Variants in ETFDH observed in about 807,000 individuals in gnomAD.
ETFDH encodes the protein electron transfer flavoprotein-ubiquinone oxidoreductase, mitochondrial.
In ETFDH, 61 loss-of-function variants were observed where a neutral mutation model predicts 73.2. The observed-to-expected ratio is 0.83, with a 90% CI of 0.68 to 1.03. ETFDH has a LOEUF of 1.03. Ranked by LOEUF, ETFDH falls within the 50% of genes least tolerant of loss-of-function variation. ETFDH has a pLI of 0.00. For missense variants in ETFDH, 685 were observed against 745.0 expected (o/e 0.92, Z 0.94); for synonymous variants, 243 against 253.3 (o/e 0.96, Z 0.39).
chr4:158,695,002 G>A (rs942170305), intron 6 of ETFDH, among the ~76,000 whole-genome samples: 7 of 152,012 alleles, frequency 4.6e-5, no homozygotes, highest in Admixed American at 2.6e-4. Context: ...CCATATATTC[G>A]GGTTTCACAT....
intron 6 of ETFDH, among the ~76,000 whole-genome samples, chr4:158,694,548 T>G (rs771725456): frequency 6.6e-6 from 1 of 151,192 alleles, no homozygotes. Context: ...GAGCCGAGAT[T>G]GTGCCATTGC....
chr4:158,705,426 CTCT>C (rs1250191317), intron 10 of ETFDH, among the ~76,000 whole-genome samples: 1 of 152,170 alleles, frequency 6.6e-6, no homozygotes, highest in Non-Finnish European at 1.5e-5. Flanking sequence ...TGTAGTAGAC[CTCT>C]TCTTAACTAA....
At chr4:158,683,809 G>C (rs181130580) in intron 3 of ETFDH, among the ~76,000 whole-genome samples, 2 of 152,142 alleles carry the variant, frequency 1.3e-5, no homozygotes, top group East Asian at 3.9e-4. Context: ...ACTAGCTTCG[G>C]CCTCCCAAAT....
chr4:158,699,568 T>A (rs1774405267), intron 9 of ETFDH, among the ~76,000 whole-genome samples: 1 of 152,176 alleles, frequency 6.6e-6, no homozygotes, highest in African/African-American at 2.4e-5. Context: ...AGACTCCATC[T>A]CAAAAACAAA....
At chr4:158,696,252 C>T (rs1331280513) in intron 7 of ETFDH, among the ~76,000 whole-genome samples, 3 of 152,108 alleles carry the variant, frequency 2.0e-5, no homozygotes, top group African/African-American at 7.2e-5. Flanking sequence ...ACACCCATAA[C>T]CCCAGCATTT....
At chr4:158,693,636 G>T (rs1226755655) in intron 6 of ETFDH, among the ~76,000 whole-genome samples, 3 of 152,130 alleles carry the variant, frequency 2.0e-5, no homozygotes, top group African/African-American at 7.2e-5. Flanking sequence ...GTGATTTAAA[G>T]ATCTAAAACA....
intron 8 of ETFDH, 35 bp downstream of exon 8, chr4:158,697,734 C>A: frequency 6.3e-7 from 1 of 1,585,690 alleles, no homozygotes; most frequent in Non-Finnish European, 8.7e-7. Flanking sequence ...AATTCTGCTG[C>A]TAGAGTTATA....
intron 5 of ETFDH, among the ~76,000 whole-genome samples, chr4:158,688,314 C>T (rs1253381228): frequency 6.7e-6 from 1 of 149,936 alleles, no homozygotes; most frequent in Non-Finnish European, 1.5e-5. Flanking sequence ...ATCACTTGAA[C>T]CCGGGAGGCA....
At position 158,706,699 on chromosome 4, in the gene ETFDH, G is replaced by C. The variant is rs1445646586; in HGVS notation, c.1539G>C (p.Gln513His). 4 of 1,614,102 alleles carry C rather than the reference G, an allele frequency of 2.5e-6. No individual in the cohort carries two copies. The highest frequency in any genetic ancestry group is 1.3e-5 in the African/African-American group (1 of 75,034). The change falls in exon 12 of 13, where the codon CAG becomes CAC. Residue 513 changes from glutamine (Q) to histidine (H), a missense_variant. Physicochemically the swap from Gln to His is conservative, Grantham distance 24. Around this residue, in one of 3 missense-constraint regions of ETFDH, gnomAD observed 201 missense variants for 225.2 expected, o/e 0.89. Transcript: ENST00000511912. ...TTGAGTATCCAAAACCCGATGGACA[G>C]ATCAGTTTTGACCTCTTGTCATCTG... ...TPIEYPKPDG[Q>H]ISFDLLSSVA...
chr4:158,694,657 A>G (rs1310726428), intron 6 of ETFDH, among the ~76,000 whole-genome samples: 3 of 152,190 alleles, frequency 2.0e-5, no homozygotes, highest in Non-Finnish European at 4.4e-5. Flanking sequence ...TACACTAGCA[A>G]AAATGTAAAA....
chr4:158,676,646 A>G (rs1027106642), intron 1 of ETFDH, among the ~76,000 whole-genome samples: 13 of 152,224 alleles, frequency 8.5e-5, no homozygotes, highest in Admixed American at 6.5e-5. Flanking sequence ...GTTAGAAGCA[A>G]GATGGAGTCA....
At chr4:158,681,206 T>G (rs757731136) in intron 2 of ETFDH, among the ~76,000 whole-genome samples, 13 of 152,184 alleles carry the variant, frequency 8.5e-5, no homozygotes, top group Non-Finnish European at 1.5e-5. Context: ...TGAAAGATAT[T>G]GATGATCCTG....
In ETFDH at chr4:158,674,233, C is replaced by CT. The variant is rs535420652; in HGVS notation, c.34+1753dup. Among the ~76,000 whole-genome samples the CT allele has an allele frequency of 5.7e-4, 86 of 150,118 alleles. 1 individual carries two copies. The highest frequency in any genetic ancestry group is 1.6e-3 in the Admixed American group (24 of 15,048). ...AGAATATCTTTATGTATTTAATATA[C>CT]TTTTTTTTTTCCAAAATTGAGGATA... On this transcript the variant is annotated intron_variant, in intron 1 of 12. Transcript: ENST00000511912.
chr4:158,680,702 A>G, intron 2 of ETFDH, 95 bp downstream of exon 2: 2 of 1,074,296 alleles, frequency 1.9e-6, no homozygotes, highest in Non-Finnish European at 2.9e-6. Context: ...TAATTTAAAA[A>G]CATCTAATAA....
intron 2 of ETFDH, among the ~76,000 whole-genome samples, chr4:158,680,823 C>T (rs1456174959): frequency 6.6e-6 from 1 of 152,176 alleles, no homozygotes; most frequent in Non-Finnish European, 1.5e-5. Flanking sequence ...ATTCCTATCA[C>T]CTAGTGACAT....
At chr4:158,678,290 T>C (rs888162304) in intron 1 of ETFDH, among the ~76,000 whole-genome samples, 8 of 152,344 alleles carry the variant, frequency 5.3e-5, no homozygotes, top group Admixed American at 5.2e-4. Context: ...TCTTTTCTTG[T>C]GTCCCAAGAC....
At chr4:158,708,323 TAA>T (rs760004878) in intron 12 of ETFDH, 39 bp from the exon 13 acceptor site, 1 of 1,508,756 alleles carries the variant, frequency 6.6e-7, no homozygotes, top group East Asian at 2.3e-5. Flanking sequence ...AAAAATTTTT[TAA>T]AGTTAGGCAC....
Position 158,682,207 on chromosome 4 carries a change from A to G in ETFDH, c.188A>G (p.Glu63Gly). 4 of 1,613,978 alleles carry G rather than the reference A, an allele frequency of 2.5e-6. No homozygotes were observed. Among genetic ancestry groups the G allele is most frequent in the Non-Finnish European group, 3.4e-6 (4 of 1,179,856 alleles). Residue 63 changes from glutamate (E) to glycine (G), a missense_variant, in exon 3 of 13, where the codon GAA (glutamate) becomes GGA (glycine). This residue lies in a region of ETFDH where 405 missense variants were observed against 399.3 expected (regional missense o/e 1.01). Transcript: ENST00000511912. ...KDKRWEGVNMERFAEEADVVI... is the reference protein window; with the variant it reads ...KDKRWEGVNMGRFAEEADVVI... ...TTATTTCTCCCAGGAGTGAACATGG[A>G]AAGGTTTGCAGAAGAAGCAGATGTT...
chr4:158,675,543 T>G (rs115040292), intron 1 of ETFDH, among the ~76,000 whole-genome samples: 1,765 of 152,230 alleles, frequency 0.012, 26 homozygotes, highest in African/African-American at 0.038. Context: ...GAGACGGGCA[T>G]ATTGCTCGAG....
Sources: allele counts gnomAD v4.1 joint callset (sites outside exome capture counted in the v4.1 genomes callset), GRCh38; gene constraint gnomAD v4.1.1; regional missense constraint gnomAD v4.1.1; transcripts MANE v1.5; gene names NCBI Gene and HGNC (gene_info 2026-07-23, HGNC 2026-07-21).